Variants in ABLIM1 observed in about 807,000 individuals in gnomAD.
ABLIM1 encodes actin-binding LIM protein 1.
Under a neutral mutation model 107.0 loss-of-function variants are expected in ABLIM1, and 40 were observed. That is an observed-to-expected ratio of 0.37 (90% CI 0.29 to 0.49). The LOEUF (loss-of-function observed/expected upper bound fraction) is 0.49. ABLIM1 is among the 20% of genes least tolerant of loss of function. The pLI, the probability that ABLIM1 is intolerant of heterozygous loss-of-function variation, is 0.97. For missense variants in ABLIM1, 857 were observed against 1,008.5 expected (o/e 0.85, Z 2.04); for synonymous variants, 357 against 357.3 (o/e 1.00, Z 0.01).
Position 114,575,460 on chromosome 10 carries a change from C to T in ABLIM1, c.519G>A (p.Leu173=). 1 of 1,614,190 alleles carries T rather than the reference C, an allele frequency of 6.2e-7. No individual in the cohort carries two copies. Among genetic ancestry groups the T allele is most frequent in the Non-Finnish European group, 8.5e-7 (1 of 1,180,016 alleles). ...EFVEGEVVTA[L]GKTYHPNCFA... ...AGCAATTGGGATGGTAGGTCTTGCC[C>T]AGAGCAGTCACCACTTCGCCCTCCA... Residue 173 remains leucine, a synonymous_variant, in exon 3 of 23, where the codon CTG becomes CTA. Transcript: ENST00000533213.
chr10:114,507,591 G>T (rs976111273), intron 6 of ABLIM1, among the ~76,000 whole-genome samples: 1 of 152,168 alleles, frequency 6.6e-6, no homozygotes, highest in Non-Finnish European at 1.5e-5. Context: ...CCTGAGCCAG[G>T]ATAAGCAGGG....
At chr10:114,502,908 T>C (rs1052275588) in intron 6 of ABLIM1, among the ~76,000 whole-genome samples, 1 of 152,186 alleles carries the variant, frequency 6.6e-6, no homozygotes, top group Non-Finnish European at 1.5e-5. Flanking sequence ...AGAAACCCCC[T>C]TGTGTCCTCT....
intron 1 of ABLIM1, among the ~76,000 whole-genome samples, chr10:114,630,076 C>T (rs1303958351): frequency 6.6e-6 from 1 of 152,070 alleles, no homozygotes; most frequent in African/African-American, 2.4e-5. Flanking sequence ...GCAATGTGAA[C>T]CCAGGCAATC....
chr10:114,737,022 C>T (rs1239838398), intron 1 of ABLIM1, among the ~76,000 whole-genome samples: 1 of 152,008 alleles, frequency 6.6e-6, no homozygotes, highest in African/African-American at 2.4e-5. Flanking sequence ...AACCCCATCT[C>T]TACTAAAAAT....
At chr10:114,644,903 T>G (rs2078948148) in intron 1 of ABLIM1, among the ~76,000 whole-genome samples, 1 of 152,184 alleles carries the variant, frequency 6.6e-6, no homozygotes, top group Non-Finnish European at 1.5e-5. Flanking sequence ...CCCCTCAAAC[T>G]AAACTGCTGG....
At chr10:114,692,595 T>C (rs750438342) in intron 1 of ABLIM1, among the ~76,000 whole-genome samples, 11 of 152,098 alleles carry the variant, frequency 7.2e-5, no homozygotes, top group Non-Finnish European at 1.5e-4. Flanking sequence ...TTTTTAATAA[T>C]AGAGTAAAAA....
intron 1 of ABLIM1, among the ~76,000 whole-genome samples, chr10:114,670,105 AT>A (rs1409056497): frequency 6.6e-6 from 1 of 152,192 alleles, no homozygotes; most frequent in African/African-American, 2.4e-5. Context: ...CATGAACTAG[AT>A]GGAAACAAAG....
At chr10:114,665,103 C>T (rs1329082355) in intron 1 of ABLIM1, among the ~76,000 whole-genome samples, 2 of 127,768 alleles carry the variant, frequency 1.6e-5, no homozygotes, top group Admixed American at 8.0e-5. Context: ...GGCGAAAGAG[C>T]GAGACTCCGT....
chr10:114,688,027 G>T (rs749081256), upstream of ABLIM1, among the ~76,000 whole-genome samples: 2 of 151,990 alleles, frequency 1.3e-5, no homozygotes, highest in Non-Finnish European at 2.9e-5. Flanking sequence ...TTAGGTTGGG[G>T]CAAAAGTCAT....
chr10:114,474,175 C>T (rs934194347), intron 8 of ABLIM1, among the ~76,000 whole-genome samples: 1 of 152,182 alleles, frequency 6.6e-6, no homozygotes, highest in Non-Finnish European at 1.5e-5. Context: ...TCTGGCCCTT[C>T]CTGCTCCTTG....
At chr10:114,682,447 A>T (rs954348326) in intron 1 of ABLIM1, among the ~76,000 whole-genome samples, 1 of 152,230 alleles carries the variant, frequency 6.6e-6, no homozygotes, top group African/African-American at 2.4e-5. Flanking sequence ...GCAGGGTCAG[A>T]CTTATTTATT....
chr10:114,625,026 A>C (rs2077700402), intron 1 of ABLIM1, among the ~76,000 whole-genome samples: 1 of 152,190 alleles, frequency 6.6e-6, no homozygotes, highest in Non-Finnish European at 1.5e-5. Flanking sequence ...ATCAAGAACA[A>C]TTTATTTTGA....
rs1447278321 is a variant in ABLIM1, at chr10:114,473,942, G to A, written c.1056C>T (p.Ser352=). 5.6e-6 allele frequency: 9 copies of A among 1,613,700 alleles called. No homozygotes were observed. In the East Asian group the frequency reaches 1.3e-4, roughly 24 times the overall value. The change falls in exon 9 of 23, where the codon TCC becomes TCT. Residue 352 remains serine, a synonymous_variant. Transcript: ENST00000533213. ...TEEKLRPTRT[S]SESIYSRPGS... is the part of the protein sequence containing the mutation. ...CTGGCCTAGAATAAATACTTTCCGAGGATGTCCTGGTAGGCTGTAAAATAA... is the reference window on the plus strand; with the variant it reads ...CTGGCCTAGAATAAATACTTTCCGAAGATGTCCTGGTAGGCTGTAAAATAA...
At chr10:114,616,242 C>T (rs2077125165) in intron 1 of ABLIM1, among the ~76,000 whole-genome samples, 1 of 152,214 alleles carries the variant, frequency 6.6e-6, no homozygotes, top group Non-Finnish European at 1.5e-5. Flanking sequence ...GCCTGCCCCA[C>T]TCCTCCCAAC....
At position 114,447,863 on chromosome 10, in the gene ABLIM1, C is replaced by T. The variant is rs1429454318; in HGVS notation, c.1735+17G>A. ...CTAGCAGTTTGTCCCTTTGACTTAG[C>T]CGTGACAGTTGCATACCTACGACAG... On this transcript the variant is annotated intron_variant, in intron 15 of 22. Transcript: ENST00000533213. 6.2e-7 allele frequency: 1 copy of T among 1,613,770 alleles called. No homozygotes were observed. Among genetic ancestry groups the T allele is most frequent in the Non-Finnish European group, 8.5e-7 (1 of 1,179,886 alleles).
chr10:114,652,174 G>C (rs1416395792), intron 1 of ABLIM1, among the ~76,000 whole-genome samples: 2 of 152,152 alleles, frequency 1.3e-5, no homozygotes, highest in Non-Finnish European at 2.9e-5. Context: ...AATGTTACCA[G>C]GAAGATGCTA....
At chr10:114,623,127 T>G (rs1386702057) in intron 1 of ABLIM1, among the ~76,000 whole-genome samples, 1 of 152,208 alleles carries the variant, frequency 6.6e-6, no homozygotes, top group Non-Finnish European at 1.5e-5. Context: ...GCCTGGCTAA[T>G]TTTTGTATTG....
At chr10:114,680,865 G>A (rs73371851) in intron 1 of ABLIM1, among the ~76,000 whole-genome samples, 5,280 of 152,250 alleles carry the variant, frequency 0.035, 299 homozygotes, top group African/African-American at 0.12. Context: ...ACAGTCCCTA[G>A]CATGGTGCCT....
intron 12 of ABLIM1, among the ~76,000 whole-genome samples, chr10:114,464,424 G>T (rs2064693724): frequency 6.6e-6 from 1 of 152,188 alleles, no homozygotes; most frequent in South Asian, 2.1e-4. Flanking sequence ...GACCTCAGGT[G>T]ATCCACCTGC....
Sources: allele counts gnomAD v4.1 joint callset (sites outside exome capture counted in the v4.1 genomes callset), GRCh38; gene constraint gnomAD v4.1.1; transcripts MANE v1.5; gene names NCBI Gene and HGNC (gene_info 2026-07-23, HGNC 2026-07-21).